BCL2L13: variants seen among roughly 807,000 people sequenced by gnomAD.
The protein encoded by BCL2L13 is bcl-2-like protein 13.
Under a neutral mutation model 25.8 loss-of-function variants are expected in BCL2L13, and 13 were observed. The ratio of observed to expected loss-of-function variants is 0.50; its 90% CI spans 0.33 to 0.80. The LOEUF (loss-of-function observed/expected upper bound fraction) is 0.80. Ranked by LOEUF, BCL2L13 falls within the 30% of genes least tolerant of loss-of-function variation. BCL2L13 has a pLI of 0.02. For missense variants in BCL2L13, 504 were observed against 574.9 expected (o/e 0.88, Z 1.26); for synonymous variants, 244 against 230.3 (o/e 1.06, Z -0.54).
At chr22:17,705,745 T>C (rs1160121482) in intron 6 of BCL2L13, among the ~76,000 whole-genome samples, 1 of 152,138 alleles carries the variant, frequency 6.6e-6, no homozygotes, top group Non-Finnish European at 1.5e-5. Context: ...CCACATGATA[T>C]CGCATGTCTG....
At chr22:17,646,955 A>ATATATATATATT (rs768488873) in intron 1 of BCL2L13, among the ~76,000 whole-genome samples, 2 of 22,190 alleles carry the variant, frequency 9.0e-5, no homozygotes, top group African/African-American at 1.4e-4. Flanking sequence ...ATATATATAT[A>ATATATATATATT]TTTTTTTTTT....
chr22:17,641,083 G>C (rs550203607), intron 1 of BCL2L13, among the ~76,000 whole-genome samples: 346 of 151,930 alleles, frequency 2.3e-3, no homozygotes, highest in African/African-American at 8.1e-3. Flanking sequence ...GTAGAGACGG[G>C]GTTTCACCGT....
At chr22:17,710,702 C>T (rs1157728087) in intron 6 of BCL2L13, among the ~76,000 whole-genome samples, 1 of 151,788 alleles carries the variant, frequency 6.6e-6, no homozygotes, top group Non-Finnish European at 1.5e-5. Flanking sequence ...CGGTGAAACC[C>T]CGTCTCTACT....
intron 4 of BCL2L13, among the ~76,000 whole-genome samples, chr22:17,690,722 C>T (rs1429325682): frequency 6.6e-6 from 1 of 152,070 alleles, no homozygotes; most frequent in Non-Finnish European, 1.5e-5. Context: ...ATGATCACAC[C>T]ACTGTGGCAC....
Position 17,713,310 on chromosome 22 carries a change from A to G in BCL2L13, c.600+10924A>G, listed in dbSNP as rs116848825. ...CTAGTTAAACACACCCTAAACATAA[A>G]AGAGCCAATTATTTAGTTGCTCAAA... On this transcript the variant is annotated intron_variant, in intron 6 of 6. Transcript: ENST00000317582. Among the ~76,000 whole-genome samples, 12 of 152,282 alleles carry G rather than the reference A, an allele frequency of 7.9e-5. 1 individual carries two copies. In the East Asian group the frequency reaches 2.1e-3, roughly 27 times the overall value.
At chr22:17,705,699 C>T (rs17809132) in intron 6 of BCL2L13, among the ~76,000 whole-genome samples, 3,007 of 152,236 alleles carry the variant, frequency 0.02, 43 homozygotes, top group Middle Eastern at 0.031. Flanking sequence ...ATTACATTGA[C>T]AGCTCTTAAA....
At chr22:17,725,361 C>CT (rs893036667) in intron 6 of BCL2L13, among the ~76,000 whole-genome samples, 62 of 152,128 alleles carry the variant, frequency 4.1e-4, no homozygotes, top group African/African-American at 1.4e-3. Flanking sequence ...TCCTTATCTT[C>CT]TTTTTTTTCT....
At chr22:17,722,404 T>TGTGTGTGTGTGTGTGTGTGC (rs1569017642) in intron 6 of BCL2L13, among the ~76,000 whole-genome samples, 9 of 151,652 alleles carry the variant, frequency 5.9e-5, no homozygotes, top group African/African-American at 1.9e-4. Context: ...TGTGTGTGTG[T>TGTGTGTGTGTGTGTGTGTGC]GTGTGTGTGT....
intron 2 of BCL2L13, among the ~76,000 whole-genome samples, chr22:17,678,936 T>C (rs2059653075): frequency 6.6e-6 from 1 of 152,172 alleles, no homozygotes; most frequent in South Asian, 2.1e-4. Context: ...TGGTGGAGTA[T>C]AGTTGATTGC....
intron 2 of BCL2L13, among the ~76,000 whole-genome samples, chr22:17,656,383 C>A: frequency 1.0e-5 from 1 of 98,530 alleles, no homozygotes; most frequent in Non-Finnish European, 1.8e-5. Flanking sequence ...CAGAGTCTCA[C>A]TCTCTCTCTA....
intron 6 of BCL2L13, among the ~76,000 whole-genome samples, chr22:17,708,541 T>C (rs2060653788): frequency 6.6e-6 from 1 of 152,236 alleles, no homozygotes; most frequent in Non-Finnish European, 1.5e-5. Flanking sequence ...ATAAGAATTA[T>C]ATAAGGGTTA....
intron 1 of BCL2L13, among the ~76,000 whole-genome samples, chr22:17,651,406 G>A (rs1366487311): frequency 2.7e-5 from 4 of 147,908 alleles, no homozygotes; most frequent in Non-Finnish European, 6.0e-5. Context: ...TATTTGAGAC[G>A]GAGTCTTACT....
rs374060819 is a variant in BCL2L13, at chr22:17,683,127, C to T, written c.122-87C>T. 5.1e-5 allele frequency: 36 copies of T among 707,172 alleles called. No homozygotes were observed. The African/African-American group carries it at 5.5e-4, about 11-fold the overall frequency. The allele number at this position is 707,172 out of a possible 1,614,324, so 43.8% of individuals were successfully genotyped here. A position where few individuals can be genotyped will look rare whatever the true frequency, so the allele number is the denominator to read the frequency against. ...CAGCCCCAGTGACAGTGCGAGACTC[C>T]GTCTCAAAAAAAAAAAAAAAAGTGC... On this transcript the variant is annotated intron_variant, in intron 2 of 6. Coordinates refer to ENST00000317582, the MANE Select transcript of BCL2L13 (RefSeq NM_015367.4).
At chr22:17,725,295 T>G (rs2061264977) in intron 6 of BCL2L13, among the ~76,000 whole-genome samples, 1 of 152,228 alleles carries the variant, frequency 6.6e-6, no homozygotes, top group Admixed American at 6.5e-5. Flanking sequence ...CATGGTCCTG[T>G]CCTCACTGAC....
intron 6 of BCL2L13, among the ~76,000 whole-genome samples, chr22:17,718,829 A>G (rs2061018915): frequency 6.6e-6 from 1 of 152,200 alleles, no homozygotes; most frequent in African/African-American, 2.4e-5. Context: ...CCTTGCAATT[A>G]TATCAGTATC....
At chr22:17,689,863 C>CA (rs1555887910) in intron 4 of BCL2L13, among the ~76,000 whole-genome samples, 3 of 144,866 alleles carry the variant, frequency 2.1e-5, no homozygotes, top group African/African-American at 7.6e-5. Flanking sequence ...AAAAAAAACC[C>CA]AAAAAACCGT....
chr22:17,693,333 G>GTTTA (rs372912650), intron 4 of BCL2L13, among the ~76,000 whole-genome samples: 3,501 of 132,086 alleles, frequency 0.027, 146 homozygotes, highest in African/African-American at 0.081. Context: ...CTTTGGGGTA[G>GTTTA]TTTATTTATT....
chr22:17,693,406 G>T, intron 4 of BCL2L13, among the ~76,000 whole-genome samples: 1 of 122,648 alleles, frequency 8.2e-6, no homozygotes, highest in Non-Finnish European at 1.6e-5. Flanking sequence ...TGGAGACGGA[G>T]TCTCGCTCTG....
intron 4 of BCL2L13, among the ~76,000 whole-genome samples, chr22:17,693,393 T>G (rs2060172140): frequency 7.1e-6 from 1 of 140,568 alleles, no homozygotes; most frequent in Non-Finnish European, 1.5e-5. Flanking sequence ...TTTTTTTTTT[T>G]TTTGGAGACG....
Sources: gnomAD v4.1 joint callset for allele counts (sites outside exome capture counted in the v4.1 genomes callset) on GRCh38, gnomAD v4.1.1 for gene constraint, MANE v1.5 for transcripts, NCBI Gene and HGNC (gene_info 2026-07-23, HGNC 2026-07-21) for gene names.